Variants in PCDH9 observed in about 807,000 individuals in gnomAD.
PCDH9 encodes protocadherin 9, also known as protocadherin-9.
In PCDH9, 24 loss-of-function variants were observed where a neutral mutation model predicts 70.6. That is an observed-to-expected ratio of 0.34 (90% CI 0.25 to 0.48). The LOEUF (loss-of-function observed/expected upper bound fraction) is 0.48. PCDH9 is among the 20% of genes least tolerant of loss of function. The probability of loss-of-function intolerance (pLI) is 0.99; values close to 1 mark genes in which losing one functional copy is unlikely to be tolerated. For synonymous variants in PCDH9, 562 were observed against 558.5 expected (o/e 1.01, Z -0.09); for missense variants, 1,281 against 1,503.6 (o/e 0.85, Z 2.45).
intron 4 of PCDH9, among the ~76,000 whole-genome samples, chr13:66,405,989 T>A (rs9599110): frequency 0.035 from 5,280 of 152,258 alleles, 156 homozygotes; most frequent in Non-Finnish European, 0.054. Flanking sequence ...GAGATTATTT[T>A]AATAGTGGTT....
At chr13:66,557,376 T>C (rs940120589) in intron 4 of PCDH9, among the ~76,000 whole-genome samples, 1 of 152,198 alleles carries the variant, frequency 6.6e-6, no homozygotes, top group Non-Finnish European at 1.5e-5. Context: ...ACAAACAATA[T>C]ATTCACTGAG....
intron 4 of PCDH9, among the ~76,000 whole-genome samples, chr13:66,586,663 A>C (rs956119725): frequency 6.6e-6 from 1 of 152,022 alleles, no homozygotes; most frequent in Non-Finnish European, 1.5e-5. Flanking sequence ...GGGAAATGAC[A>C]CTCCTAGATA....
At chr13:66,994,329 G>A (rs1371189285) in intron 2 of PCDH9, among the ~76,000 whole-genome samples, 1 of 152,170 alleles carries the variant, frequency 6.6e-6, no homozygotes, top group Non-Finnish European at 1.5e-5. Flanking sequence ...TGAAAGGAAC[G>A]GCCTGCAAAG....
chr13:66,936,076 T>G (rs1180584812), intron 2 of PCDH9, among the ~76,000 whole-genome samples: 1 of 152,158 alleles, frequency 6.6e-6, no homozygotes, highest in Non-Finnish European at 1.5e-5. Flanking sequence ...AGAGCGAGAC[T>G]CTGTCTCAAA....
At position 66,631,295 on chromosome 13, in the gene PCDH9, A is replaced by G; in HGVS notation, c.3255T>C (p.Pro1085=). The part of the protein sequence containing the change: ...GSGTLISHPL[P]LVQPQDEFYD... ...AGAATTCGTCCTGTGGCTGAACCAG[A>G]GGAAGAGGGTGTGAGATCAGGGTTC... Residue 1085 remains proline (P), a synonymous_variant, in exon 4 of 5, where the codon CCT becomes CCC. Coordinates refer to ENST00000377865, the MANE Select transcript of PCDH9 (RefSeq NM_203487.3). 3 of 1,609,866 alleles carry G rather than the reference A, an allele frequency of 1.9e-6. No homozygotes were observed. Among genetic ancestry groups the G allele is most frequent in the Non-Finnish European group, 2.6e-6 (3 of 1,176,080 alleles).
chr13:66,943,171 T>C (rs2083033019), intron 2 of PCDH9, among the ~76,000 whole-genome samples: 1 of 152,158 alleles, frequency 6.6e-6, no homozygotes, highest in African/African-American at 2.4e-5. Context: ...TACCTTCATA[T>C]GCAATATTAC....
intron 2 of PCDH9, among the ~76,000 whole-genome samples, chr13:67,188,540 A>G (rs996022198): frequency 6.6e-6 from 1 of 152,072 alleles, no homozygotes; most frequent in African/African-American, 2.4e-5. Flanking sequence ...TAATTTCAAT[A>G]AGTTATTTAT....
intron 2 of PCDH9, among the ~76,000 whole-genome samples, chr13:67,000,632 A>G (rs919117356): frequency 3.0e-4 from 46 of 152,262 alleles, no homozygotes; most frequent in African/African-American, 1.1e-3. Flanking sequence ...ATATTTAACT[A>G]TTAAAGGAAT....
intron 2 of PCDH9, chr13:67,217,167 T>G (rs992654402): frequency 6.6e-6 from 1 of 152,030 alleles, no homozygotes; most frequent in Admixed American, 6.6e-5. Context: ...ACTATAGAAC[T>G]ACTACTGTCA....
chr13:66,594,337 G>C (rs988552557), intron 4 of PCDH9, among the ~76,000 whole-genome samples: 1 of 151,634 alleles, frequency 6.6e-6, no homozygotes, highest in Admixed American at 6.6e-5. Context: ...TTCTGTGAAA[G>C]AAACGTGCAA....
chr13:66,786,106 T>TAA (rs1373617367), intron 3 of PCDH9, among the ~76,000 whole-genome samples: 1 of 152,172 alleles, frequency 6.6e-6, no homozygotes, highest in Non-Finnish European at 1.5e-5. Context: ...CTAATCAATG[T>TAA]TCCCCTGGTT....
rs550146215 is a variant in PCDH9 at position 66,740,460 on chromosome 13, A to T, written c.3139-109049T>A. The stretch of plus-strand genomic sequence containing the variant: ...AAAAGCAAGAGCAAACACATTCAAA[A>T]GCTAGCAGAAGGCAAGAAATAACTA... On this transcript the variant is annotated intron_variant, in intron 3 of 4. Transcript: ENST00000377865. Among the ~76,000 whole-genome samples, 596 of 122,976 alleles carry T rather than the reference A, an allele frequency of 4.8e-3. 10 individuals carry two copies. Among genetic ancestry groups the T allele is most frequent in the African/African-American group, 0.017 (575 of 34,160 alleles). The allele number at this position is 122,976 out of a possible 152,430, so 80.7% of individuals were successfully genotyped here.
chr13:67,097,195 A>G (rs897889814), intron 2 of PCDH9, among the ~76,000 whole-genome samples: 8 of 152,106 alleles, frequency 5.3e-5, no homozygotes, highest in Admixed American at 5.2e-4. Flanking sequence ...GGTTGAGACT[A>G]TAGTGAGCCA....
intron 4 of PCDH9, among the ~76,000 whole-genome samples, chr13:66,405,838 T>C (rs936766535): frequency 2.0e-5 from 3 of 152,156 alleles, no homozygotes; most frequent in Non-Finnish European, 2.9e-5. Context: ...TGGTTTATAA[T>C]GGTTAATCTA....
At chr13:66,776,811 C>T (rs1166744732) in intron 3 of PCDH9, among the ~76,000 whole-genome samples, 5 of 142,644 alleles carry the variant, frequency 3.5e-5, no homozygotes, top group Admixed American at 1.4e-4. Context: ...AAAAAGAGCC[C>T]GCATCACCAA....
intron 2 of PCDH9, among the ~76,000 whole-genome samples, chr13:67,014,145 T>C (rs996030428): frequency 6.6e-6 from 1 of 152,136 alleles, no homozygotes; most frequent in Non-Finnish European, 1.5e-5. Context: ...AAAAGAAGAA[T>C]TACTTTCTGT....
intron 2 of PCDH9, among the ~76,000 whole-genome samples, chr13:67,140,623 T>C (rs1018686956): frequency 1.1e-4 from 17 of 152,198 alleles, no homozygotes; most frequent in Admixed American, 3.3e-4. Flanking sequence ...CCTGATTTAA[T>C]TGATCTGGGA....
chr13:66,455,926 C>G (rs915535169), intron 4 of PCDH9, among the ~76,000 whole-genome samples: 3 of 152,022 alleles, frequency 2.0e-5, no homozygotes, highest in African/African-American at 7.2e-5. Flanking sequence ...GCCTACAGCC[C>G]ATGTTGAAAC....
chr13:66,646,361 T>C (rs1180090097), intron 3 of PCDH9, among the ~76,000 whole-genome samples: 1 of 152,186 alleles, frequency 6.6e-6, no homozygotes, highest in Non-Finnish European at 1.5e-5. Flanking sequence ...ATTATCAAAA[T>C]CATACATTAA....
Sources: gnomAD v4.1 joint callset for allele counts (sites outside exome capture counted in the v4.1 genomes callset) on GRCh38, gnomAD v4.1.1 for gene constraint, MANE v1.5 for transcripts, NCBI Gene and HGNC (gene_info 2026-07-23, HGNC 2026-07-21) for gene names.